HNMT: variants seen among roughly 807,000 people sequenced by gnomAD.
The protein encoded by HNMT is histamine N-methyltransferase.
In HNMT, 30 loss-of-function variants were observed where a neutral mutation model predicts 32.1. That is an observed-to-expected ratio of 0.93 (90% CI 0.70 to 1.27). The LOEUF (loss-of-function observed/expected upper bound fraction) is 1.27. Ranked by LOEUF, HNMT falls within the 50% of genes most tolerant of loss-of-function variation. The pLI is 0.00. For synonymous variants in HNMT, 125 were observed against 119.0 expected (o/e 1.05, Z -0.33); for missense variants, 327 against 346.0 (o/e 0.95, Z 0.43).
intron 2 of HNMT, 83 bp from the exon 3 acceptor site, chr2:138,000,835 G>C (rs1681146109): frequency 1.5e-6 from 1 of 682,894 alleles, no homozygotes; most frequent in African/African-American, 1.8e-5. Flanking sequence ...AGTAAAGGTA[G>C]GGCAGATAAT....
At chr2:137,971,191 T>A (rs1392536643) in intron 2 of HNMT, among the ~76,000 whole-genome samples, 2 of 152,088 alleles carry the variant, frequency 1.3e-5, no homozygotes, top group Non-Finnish European at 2.9e-5. Context: ...AGCACCTTTT[T>A]TTTTTTGACG....
At chr2:137,998,529 A>G (rs1438755750) in intron 2 of HNMT, among the ~76,000 whole-genome samples, 7 of 152,160 alleles carry the variant, frequency 4.6e-5, no homozygotes, top group African/African-American at 1.7e-4. Flanking sequence ...AAATAGTTGC[A>G]TTATCACCTC....
chr2:138,002,776 T>G, intron 4 of HNMT: 1 of 972,284 alleles, frequency 1.0e-6, no homozygotes, highest in African/African-American at 1.8e-5. Flanking sequence ...ATTGGATGTT[T>G]ATATAGAGAT....
At chr2:137,965,889 G>A (rs1475705818) in intron 1 of HNMT, among the ~76,000 whole-genome samples, 2 of 152,166 alleles carry the variant, frequency 1.3e-5, no homozygotes, top group Non-Finnish European at 2.9e-5. Flanking sequence ...GATGATGAAT[G>A]ACCCCTTCCT....
rs779617692 is a variant in HNMT, at chr2:137,970,933, A to AAAAG, written c.190+752_190+755dup. Among the ~76,000 whole-genome samples, 149 of 86,690 alleles carry AAAAG rather than the reference A, an allele frequency of 1.7e-3. 5 individuals carry two copies. Among genetic ancestry groups the AAAAG allele is most frequent in the African/African-American group, 6.0e-3 (134 of 22,448 alleles). 56.9% of individuals were successfully genotyped at this position (86,690 alleles called of 152,430 possible). On this transcript the variant is annotated intron_variant, in intron 2 of 5. Coordinates refer to ENST00000280097, the MANE Select transcript of HNMT (RefSeq NM_006895.3). ...AGACTACGTCTCAAAAAAAAAAAAAAAAAGAAAGAAAGAAAGAAAGAAAGA... is the reference window on the plus strand; with the variant it reads ...AGACTACGTCTCAAAAAAAAAAAAAAAAAGAAAGAAAGAAAGAAAGAAAGAAAGA...
intron 2 of HNMT, among the ~76,000 whole-genome samples, chr2:137,972,851 A>T (rs1257909126): frequency 6.6e-6 from 1 of 152,218 alleles, no homozygotes; most frequent in Non-Finnish European, 1.5e-5. Flanking sequence ...TTTAATATAA[A>T]GTTAATTGAA....
chr2:137,964,764 C>A (rs1436089308), intron 1 of HNMT, 136 bp downstream of exon 1: 1 of 810,184 alleles, frequency 1.2e-6, no homozygotes, highest in African/African-American at 1.7e-5. Context: ...CCCGTCGTCC[C>A]CTCCTCGCTG....
At chr2:137,987,324 T>A (rs1680678528) in intron 2 of HNMT, among the ~76,000 whole-genome samples, 1 of 152,210 alleles carries the variant, frequency 6.6e-6, no homozygotes, top group African/African-American at 2.4e-5. Context: ...AAATGCCATT[T>A]TCTGGATCTC....
At chr2:137,998,147 TA>T (rs1380481077) in intron 2 of HNMT, among the ~76,000 whole-genome samples, 2 of 151,708 alleles carry the variant, frequency 1.3e-5, no homozygotes, top group Non-Finnish European at 2.9e-5. Context: ...TCAGAAGAAA[TA>T]AAAAAAAGCA....
At position 137,999,943 on chromosome 2, in the gene HNMT, G is replaced by C. The variant is rs956878161; in HGVS notation, c.191-975G>C. 5.3e-5 allele frequency among the ~76,000 whole-genome samples: 8 copies of C among 151,616 alleles called. 1 individual carries two copies. The highest frequency in any genetic ancestry group is 8.8e-5 in the Non-Finnish European group (6 of 67,924). ...TAAAAAAAAAAAAGAAGCTTGGAGA[G>C]GTAAAGCAAATTGCCCAAAGTCGTA... On this transcript the variant is annotated intron_variant, in intron 2 of 5. Coordinates refer to ENST00000280097, the MANE Select transcript of HNMT (RefSeq NM_006895.3).
At chr2:137,965,882 G>A (rs923788940) in intron 1 of HNMT, among the ~76,000 whole-genome samples, 2 of 152,180 alleles carry the variant, frequency 1.3e-5, no homozygotes, top group Non-Finnish European at 2.9e-5. Flanking sequence ...CATAATCGAT[G>A]ATGAATGACC....
intron 5 of HNMT, among the ~76,000 whole-genome samples, chr2:138,006,118 T>C (rs1024252443): frequency 2.0e-5 from 3 of 152,042 alleles, no homozygotes; most frequent in African/African-American, 4.8e-5. Context: ...CAACCTCTCC[T>C]GCAAGGGAAC....
At chr2:138,005,093 A>C in intron 4 of HNMT, 39 bp from the exon 5 acceptor site, 1 of 1,137,946 alleles carries the variant, frequency 8.8e-7, no homozygotes, top group East Asian at 2.4e-5. Context: ...AGACTTCAAC[A>C]TACAGAAGCA....
chr2:137,966,429 TA>T (rs548763088), intron 1 of HNMT, among the ~76,000 whole-genome samples: 138 of 152,322 alleles, frequency 9.1e-4, no homozygotes, highest in Non-Finnish European at 1.4e-3. Context: ...TGTATTAAAA[TA>T]GCTAAGTAAG....
At chr2:138,008,055 G>A (rs1440007404) in intron 5 of HNMT, among the ~76,000 whole-genome samples, 1 of 151,694 alleles carries the variant, frequency 6.6e-6, no homozygotes, top group Non-Finnish European at 1.5e-5. Flanking sequence ...AAACGTGTCC[G>A]GGGGGTTGTT....
intron 2 of HNMT, among the ~76,000 whole-genome samples, chr2:137,975,222 T>C (rs1004469295): frequency 2.0e-5 from 3 of 152,130 alleles, no homozygotes; most frequent in Non-Finnish European, 2.9e-5. Context: ...ATCTGTGCTT[T>C]TTCCAAAGAG....
intron 5 of HNMT, among the ~76,000 whole-genome samples, chr2:138,008,525 T>C (rs946528361): frequency 5.9e-5 from 9 of 151,854 alleles, no homozygotes; most frequent in Non-Finnish European, 8.8e-5. Flanking sequence ...TTCCAAACCA[T>C]ACTATAGGGG....
At chr2:137,975,442 A>T (rs1038676427) in intron 2 of HNMT, among the ~76,000 whole-genome samples, 1 of 152,196 alleles carries the variant, frequency 6.6e-6, no homozygotes, top group African/African-American at 2.4e-5. Context: ...GTTTAGGTAC[A>T]AAAGGGAAGG....
At chr2:137,980,317 G>A (rs566901803) in intron 2 of HNMT, among the ~76,000 whole-genome samples, 4 of 152,270 alleles carry the variant, frequency 2.6e-5, no homozygotes, top group East Asian at 3.9e-4. Flanking sequence ...GATTACAGGC[G>A]TGAGCCACCA....
Sources: gnomAD v4.1 joint callset for allele counts (sites outside exome capture counted in the v4.1 genomes callset) on GRCh38, gnomAD v4.1.1 for gene constraint, MANE v1.5 for transcripts, NCBI Gene and HGNC (gene_info 2026-07-23, HGNC 2026-07-21) for gene names.